SLC71A2: variants seen among roughly 807,000 people sequenced by gnomAD.
The protein encoded by SLC71A2 is solute carrier family 71 member 2, also known as hippocampus abundant transcript-like 1.
the SLC71A2 span, among the ~76,000 whole-genome samples, chr9:94,418,919 C>G: frequency 5.3e-5 from 8 of 151,724 alleles, no homozygotes; most frequent in African/African-American, 1.9e-4. Flanking sequence ...AACATGGATT[C>G]GTTTAGTTCT....
chr9:94,440,921 C>T, the SLC71A2 span: 5 of 924,186 alleles, frequency 5.4e-6, no homozygotes, highest in East Asian at 7.4e-5. Context: ...ATGTCTTTGG[C>T]TCAGGTAATG....
the SLC71A2 span, among the ~76,000 whole-genome samples, chr9:94,413,679 C>G: frequency 2.0e-5 from 2 of 98,786 alleles, no homozygotes; most frequent in Non-Finnish European, 4.3e-5. Flanking sequence ...AAAAAAAAAG[C>G]TAATTAAGAA....
the SLC71A2 span, among the ~76,000 whole-genome samples, chr9:94,455,600 T>C: frequency 6.6e-6 from 1 of 152,170 alleles, no homozygotes; most frequent in Non-Finnish European, 1.5e-5. Context: ...CAGTAGCTGA[T>C]TTAGTCACAT....
the SLC71A2 span, among the ~76,000 whole-genome samples, chr9:94,379,996 G>A: frequency 6.6e-5 from 10 of 152,272 alleles, no homozygotes; most frequent in South Asian, 1.5e-3. Context: ...AGCTGGACGC[G>A]GTGGCTTACG....
At chr9:94,454,161 G>A in the SLC71A2 span, 1 of 845,664 alleles carries the variant, frequency 1.2e-6, no homozygotes, top group East Asian at 2.5e-5. Flanking sequence ...AGGAAGCAAG[G>A]GTTATTTTGC....
chr9:94,458,214 C>CA, the SLC71A2 span: 1 of 912,414 alleles, frequency 1.1e-6, no homozygotes, highest in Non-Finnish European at 1.6e-6. Context: ...CTCTTTTCCT[C>CA]AGTCTTGCCG....
At chr9:94,384,421 C>T in the SLC71A2 span, among the ~76,000 whole-genome samples, 6 of 151,728 alleles carry the variant, frequency 4.0e-5, no homozygotes, top group African/African-American at 1.2e-4. Context: ...TCAGTGGAGC[C>T]TCGACCTCCC....
At chr9:94,451,695 CAA>C in the SLC71A2 span, among the ~76,000 whole-genome samples, 1 of 152,166 alleles carries the variant, frequency 6.6e-6, no homozygotes, top group Non-Finnish European at 1.5e-5. Flanking sequence ...AATATCAGAT[CAA>C]GAAACTGATG....
At chr9:94,389,298 C>T in the SLC71A2 span, among the ~76,000 whole-genome samples, 1 of 150,578 alleles carries the variant, frequency 6.6e-6, no homozygotes, top group African/African-American at 2.4e-5. Flanking sequence ...CAGAGTCTCA[C>T]TCTGTTGCCC....
chr9:94,417,399 A>G, the SLC71A2 span, among the ~76,000 whole-genome samples: 1 of 152,144 alleles, frequency 6.6e-6, no homozygotes, highest in Non-Finnish European at 1.5e-5. Context: ...AGGCTGAGGC[A>G]GGTGGATCGC....
the SLC71A2 span, among the ~76,000 whole-genome samples, chr9:94,408,609 C>T: frequency 6.6e-6 from 1 of 151,134 alleles, no homozygotes; most frequent in African/African-American, 2.4e-5. Flanking sequence ...AGGAGTTTGT[C>T]CATTTTGTTT....
At chr9:94,436,511 CTT>C in the SLC71A2 span, among the ~76,000 whole-genome samples, 1 of 152,202 alleles carries the variant, frequency 6.6e-6, no homozygotes, top group Admixed American at 6.5e-5. Context: ...CCCACAGCTT[CTT>C]TTATATAAAG....
the SLC71A2 span, among the ~76,000 whole-genome samples, chr9:94,455,514 C>A: frequency 3.3e-5 from 5 of 151,910 alleles, no homozygotes; most frequent in East Asian, 1.9e-4. Flanking sequence ...TGTCCCTAGC[C>A]GTCTGTGACT....
the SLC71A2 span, among the ~76,000 whole-genome samples, chr9:94,400,060 C>G: frequency 0.48 from 73,335 of 151,456 alleles, 17,954 homozygotes; most frequent in East Asian, 0.6. Context: ...ATCCGCCCGT[C>G]TAGGCCTCCC....
the SLC71A2 span, among the ~76,000 whole-genome samples, chr9:94,436,581 A>G: frequency 1.3e-5 from 2 of 152,054 alleles, no homozygotes; most frequent in Non-Finnish European, 2.9e-5. Flanking sequence ...TTGCCTATTA[A>G]ACTTTCCCCT....
At chr9:94,441,065 C>G in the SLC71A2 span, 2 of 1,609,872 alleles carry the variant, frequency 1.2e-6, no homozygotes, top group Non-Finnish European at 8.5e-7. Flanking sequence ...GCTGATGTCA[C>G]TCAGGAGCAC....
At chr9:94,459,656 T>C in the SLC71A2 span, 5 of 439,856 alleles carry the variant, frequency 1.1e-5, no homozygotes, top group African/African-American at 9.9e-5. Flanking sequence ...TCCTTGCAAA[T>C]AATGTGCAAC....
chr9:94,422,130 C>A, the SLC71A2 span, among the ~76,000 whole-genome samples: 1 of 152,188 alleles, frequency 6.6e-6, no homozygotes, highest in Admixed American at 6.5e-5. Flanking sequence ...GTGATTCACC[C>A]GCTTCGGACT....
the SLC71A2 span, among the ~76,000 whole-genome samples, chr9:94,455,010 C>T: frequency 3.3e-5 from 5 of 152,048 alleles, no homozygotes; most frequent in South Asian, 2.1e-4. Context: ...CCATTTTAGA[C>T]GGTAGAGCTG....
Sources: allele counts gnomAD v4.1 joint callset (sites outside exome capture counted in the v4.1 genomes callset), GRCh38; gene constraint gnomAD v4.1.1; transcripts MANE v1.5; gene names NCBI Gene and HGNC (gene_info 2026-07-23, HGNC 2026-07-21).